The following TAF2 variants were observed in gnomAD, a reference collection of about 807,000 sequenced individuals.
TAF2 encodes TATA-box binding protein associated factor 2.
TAF2 carries 61 observed loss-of-function variants against 138.5 expected under a neutral mutation model. That is an observed-to-expected ratio of 0.44 (90% CI 0.36 to 0.54). TAF2 has a LOEUF of 0.54. TAF2 is among the 20% of genes least tolerant of loss of function. The probability of loss-of-function intolerance (pLI) is 0.00; values close to 1 mark genes in which losing one functional copy is unlikely to be tolerated. For missense variants in TAF2, 1,090 were observed against 1,427.9 expected (o/e 0.76, Z 3.81); for synonymous variants, 475 against 469.9 (o/e 1.01, Z -0.14).
At chr8:119,751,018 AAC>A (rs1330996704) in intron 22 of TAF2, among the ~76,000 whole-genome samples, 1 of 152,204 alleles carries the variant, frequency 6.6e-6, no homozygotes, top group Non-Finnish European at 1.5e-5. Context: ...AAATAAAAAA[AAC>A]ACTCTATTAG....
At chr8:119,775,051 A>T (rs1822123816) in intron 18 of TAF2, among the ~76,000 whole-genome samples, 1 of 151,758 alleles carries the variant, frequency 6.6e-6, no homozygotes, top group Non-Finnish European at 1.5e-5. Context: ...GAGGCCAAGG[A>T]GGGCGGATCA....
intron 10 of TAF2, among the ~76,000 whole-genome samples, chr8:119,792,111 T>C (rs189015647): frequency 6.6e-6 from 1 of 152,070 alleles, no homozygotes; most frequent in East Asian, 1.9e-4. Context: ...TGTGCAAATA[T>C]TTCTGTATGA....
rs536349117 is a variant in TAF2 at position 119,819,603 on chromosome 8, G to C, written c.139-97C>G. ...CCACTTGTACACATATTATACTACA[G>C]AGACAAAATCCCTAATAGCTACATA... On this transcript the variant is annotated intron_variant, in intron 2 of 25. Coordinates refer to ENST00000378164, the MANE Select transcript of TAF2 (RefSeq NM_003184.4). 602 of 1,008,682 alleles carry C rather than the reference G, an allele frequency of 6.0e-4. 3 individuals are homozygous for C. In the East Asian group the frequency reaches 0.011, roughly 19 times the overall value. The allele number at this position is 1,008,682 out of a possible 1,614,324, so 62.5% of individuals were successfully genotyped here. A position where few individuals can be genotyped will look rare whatever the true frequency, so the allele number is the denominator to read the frequency against.
intron 14 of TAF2, among the ~76,000 whole-genome samples, chr8:119,785,926 G>C (rs1822983100): frequency 6.6e-6 from 1 of 152,108 alleles, no homozygotes; most frequent in Non-Finnish European, 1.5e-5. Flanking sequence ...TTCCAAGGTG[G>C]ATAGGACAAA....
At position 119,757,113 on chromosome 8, in the gene TAF2, G is replaced by A. The variant is rs529269861; in HGVS notation, c.2768+960C>T. 4.6e-5 allele frequency among the ~76,000 whole-genome samples: 7 copies of A among 152,250 alleles called. No individual in the cohort carries two copies. In the South Asian group the frequency reaches 1.5e-3, roughly 32 times the overall value. ...TGGATTTGTAATTGAGAAAGAGATG[G>A]GAGAAAAGTGAAACTGCTAGGTTGT... On this transcript the variant is annotated intron_variant, in intron 21 of 25. Transcript: ENST00000378164.
chr8:119,831,109 AAAAC>A (rs758453602), intron 2 of TAF2, among the ~76,000 whole-genome samples: 42 of 152,294 alleles, frequency 2.8e-4, no homozygotes, highest in Middle Eastern at 3.4e-3. Flanking sequence ...TCTGTCTCCA[AAAAC>A]AAACAAACAA....
intron 10 of TAF2, among the ~76,000 whole-genome samples, chr8:119,793,124 T>C (rs1586452653): frequency 6.6e-6 from 1 of 152,174 alleles, no homozygotes; most frequent in African/African-American, 2.4e-5. Context: ...AAATTTTTAA[T>C]GTGGCACATT....
At chr8:119,755,349 T>C (rs1450357507) in intron 22 of TAF2, among the ~76,000 whole-genome samples, 2 of 151,966 alleles carry the variant, frequency 1.3e-5, no homozygotes, top group African/African-American at 4.8e-5. Context: ...ATACAAAAAT[T>C]AGCCGGGCAT....
chr8:119,812,889 G>C (rs1387133547), intron 3 of TAF2, among the ~76,000 whole-genome samples: 1 of 152,112 alleles, frequency 6.6e-6, no homozygotes, highest in Non-Finnish European at 1.5e-5. Flanking sequence ...TTGCAATTGT[G>C]AATTGTGCTG....
intron 22 of TAF2, among the ~76,000 whole-genome samples, chr8:119,754,528 C>T (rs149829969): frequency 3.1e-3 from 476 of 152,148 alleles, no homozygotes; most frequent in African/African-American, 9.8e-3. Context: ...ACTAAAAATA[C>T]AGAAGTTAGC....
At chr8:119,760,031 C>A (rs1229424949) in intron 20 of TAF2, among the ~76,000 whole-genome samples, 1 of 151,870 alleles carries the variant, frequency 6.6e-6, no homozygotes, top group African/African-American at 2.4e-5. Flanking sequence ...TCATTTACGC[C>A]CCCCCAGAGT....
chr8:119,766,891 G>A (rs1821464294), intron 18 of TAF2: 1 of 152,150 alleles, frequency 6.6e-6, no homozygotes, highest in Admixed American at 6.5e-5. Context: ...TAGGTATATA[G>A]TAACCTCTTC....
chr8:119,766,501 T>C (rs1023178861), intron 18 of TAF2, among the ~76,000 whole-genome samples: 1 of 152,204 alleles, frequency 6.6e-6, no homozygotes, highest in African/African-American at 2.4e-5. Context: ...AAGTTCTGCT[T>C]ACCAGTGACG....
At chr8:119,747,049 C>T in intron 22 of TAF2, 115 bp from the exon 23 acceptor site, 1 of 1,061,120 alleles carries the variant, frequency 9.4e-7, no homozygotes, top group Non-Finnish European at 1.4e-6. Context: ...CTTTATCACA[C>T]CTTTCATCTT....
intron 2 of TAF2, among the ~76,000 whole-genome samples, chr8:119,826,499 T>C (rs1416519442): frequency 1.3e-5 from 2 of 152,210 alleles, no homozygotes; most frequent in Non-Finnish European, 2.9e-5. Flanking sequence ...ACAAATACTT[T>C]ACCCTTGCTA....
At position 119,747,815 on chromosome 8, in the gene TAF2, ATTC is replaced by A. The variant is rs201539840; in HGVS notation, c.2879-884_2879-882del. Among the ~76,000 whole-genome samples, 778 of 152,270 alleles carry A rather than the reference ATTC, an allele frequency of 5.1e-3. 15 individuals are homozygous for A. The highest frequency in any genetic ancestry group is 0.029 in the Admixed American group (442 of 15,302). On this transcript the variant is annotated intron_variant, in intron 22 of 25. Coordinates refer to ENST00000378164, the MANE Select transcript of TAF2 (RefSeq NM_003184.4). ...ACAAATGAACAGAAGAAAAGTGGAT[ATTC>A]TTCTTGAGAAGAAAAAAAACCCCGG...
chr8:119,822,864 A>G (rs1027585514), intron 2 of TAF2, among the ~76,000 whole-genome samples: 1 of 152,194 alleles, frequency 6.6e-6, no homozygotes, highest in African/African-American at 2.4e-5. Context: ...TAACAAAAGC[A>G]TTTATTAATC....
At chr8:119,824,101 A>G (rs997643917) in intron 2 of TAF2, among the ~76,000 whole-genome samples, 4 of 152,128 alleles carry the variant, frequency 2.6e-5, no homozygotes, top group African/African-American at 4.8e-5. Flanking sequence ...AGTAGAGCAT[A>G]AAAGTGTGGA....
chr8:119,793,004 T>C (rs1242576928), intron 10 of TAF2, among the ~76,000 whole-genome samples: 1 of 152,012 alleles, frequency 6.6e-6, no homozygotes, highest in African/African-American at 2.4e-5. Context: ...GTATTATGCA[T>C]CTCCTTCAAA....
Sources: gnomAD v4.1 joint callset for allele counts (sites outside exome capture counted in the v4.1 genomes callset) on GRCh38, gnomAD v4.1.1 for gene constraint, MANE v1.5 for transcripts, NCBI Gene and HGNC (gene_info 2026-07-23, HGNC 2026-07-21) for gene names.